PDCD10: variants seen among roughly 807,000 people sequenced by gnomAD.
PDCD10 encodes programmed cell death protein 10.
PDCD10 carries 4 observed loss-of-function variants against 29.2 expected under a neutral mutation model. The ratio of observed to expected loss-of-function variants is 0.14; its 90% CI spans 0.07 to 0.31. The LOEUF (loss-of-function observed/expected upper bound fraction) is 0.31. Among genes scored for constraint, PDCD10 ranks in the 10% least tolerant of loss-of-function variants. The pLI, the probability that PDCD10 is intolerant of heterozygous loss-of-function variation, is 1.00. For synonymous variants in PDCD10, 70 were observed against 82.2 expected (o/e 0.85, Z 0.80); for missense variants, 183 against 257.9 (o/e 0.71, Z 1.99).
chr3:167,703,362 T>C (rs1197987752), intron 4 of PDCD10, among the ~76,000 whole-genome samples: 3 of 152,106 alleles, frequency 2.0e-5, no homozygotes, highest in African/African-American at 7.2e-5. Flanking sequence ...TAAATATATA[T>C]GTACTCACCT....
In PDCD10 at chr3:167,733,765, A is replaced by G. The variant is rs552491771; in HGVS notation, c.-117+449T>C. ...TCCTAAGGTAGAAAAAGAAAAGAAT[A>G]TTCTTCTAAGGATGGGATATATTGT... On this transcript the variant is annotated intron_variant, in intron 2 of 8. Transcript: ENST00000392750. Among the ~76,000 whole-genome samples the G allele has an allele frequency of 3.2e-4, 48 of 152,148 alleles. 1 individual carries two copies. The highest frequency in any genetic ancestry group is 4.3e-4 in the Non-Finnish European group (29 of 68,012).
intron 4 of PDCD10, among the ~76,000 whole-genome samples, chr3:167,699,713 G>A (rs1273594572): frequency 6.6e-6 from 1 of 152,182 alleles, no homozygotes; most frequent in African/African-American, 2.4e-5. Context: ...CAGTCTGGAA[G>A]ACGGACAACC....
At chr3:167,723,674 T>A (rs1187581923) in intron 2 of PDCD10, among the ~76,000 whole-genome samples, 1 of 152,238 alleles carries the variant, frequency 6.6e-6, no homozygotes, top group Non-Finnish European at 1.5e-5. Context: ...ACGTTTCAAA[T>A]GTGCTGCTTT....
intron 2 of PDCD10, among the ~76,000 whole-genome samples, chr3:167,724,664 T>C (rs1425254389): frequency 7.2e-5 from 11 of 152,198 alleles, no homozygotes; most frequent in Non-Finnish European, 4.4e-5. Flanking sequence ...TCAAATAGCA[T>C]GCCTAGCAAA....
intron 3 of PDCD10, among the ~76,000 whole-genome samples, chr3:167,714,778 G>A (rs1017467490): frequency 1.3e-5 from 2 of 151,608 alleles, no homozygotes; most frequent in African/African-American, 2.4e-5. Flanking sequence ...AAACACTGAC[G>A]AAGGCAATTG....
chr3:167,713,478 A>G (rs905193945), intron 3 of PDCD10, among the ~76,000 whole-genome samples: 7 of 151,848 alleles, frequency 4.6e-5, no homozygotes, highest in African/African-American at 1.7e-4. Context: ...TCAAAAGAGA[A>G]CAAACAATTC....
intron 4 of PDCD10, among the ~76,000 whole-genome samples, chr3:167,702,678 T>C (rs1721567704): frequency 6.6e-6 from 1 of 152,208 alleles, no homozygotes; most frequent in Admixed American, 6.5e-5. Flanking sequence ...AAAACCATGA[T>C]GAAAATTATT....
chr3:167,728,867 C>T (rs1255176798), intron 2 of PDCD10, among the ~76,000 whole-genome samples: 1 of 152,198 alleles, frequency 6.6e-6, no homozygotes, highest in African/African-American at 2.4e-5. Context: ...AATACAGTGA[C>T]ATGTCACACT....
At chr3:167,686,039 TAATGATGTGACATGAATA>T (rs1289799774) in intron 8 of PDCD10, among the ~76,000 whole-genome samples, 1 of 152,192 alleles carries the variant, frequency 6.6e-6, no homozygotes, top group South Asian at 2.1e-4. Flanking sequence ...AATAATACTG[TAATGATGTGACATGAATA>T]TAGAGATCTT....
intron 3 of PDCD10, among the ~76,000 whole-genome samples, chr3:167,708,981 C>G (rs1722268423): frequency 6.6e-6 from 1 of 152,122 alleles, no homozygotes; most frequent in Non-Finnish European, 1.5e-5. Context: ...AATAAGGAAA[C>G]AGATAAGATT....
chr3:167,719,552 A>G (rs985147068), intron 3 of PDCD10, among the ~76,000 whole-genome samples: 4 of 152,120 alleles, frequency 2.6e-5, no homozygotes, highest in South Asian at 2.1e-4. Flanking sequence ...CAAAGCAATG[A>G]TATCTTCCAA....
rs143695673 is a variant in PDCD10 at position 167,726,181 on chromosome 3, C to T, written c.-116-5908G>A. Among the ~76,000 whole-genome samples the T allele has an allele frequency of 8.7e-4, 111 of 127,340 alleles. 2 individuals carry two copies. The East Asian group carries it at 0.024, about 28-fold the overall frequency. 83.5% of individuals were successfully genotyped at this position (127,340 alleles called of 152,430 possible). ...TGTCACCCAGGCTGGGGTGCAGTGG[C>T]GTACCTCCACCCAGGTTCAAGCGAT... On this transcript the variant is annotated intron_variant, in intron 2 of 8. Coordinates refer to ENST00000392750, the MANE Select transcript of PDCD10 (RefSeq NM_007217.4).
In PDCD10 at chr3:167,724,840, G is replaced by A. The variant is rs60988496; in HGVS notation, c.-116-4567C>T. On this transcript the variant is annotated intron_variant, in intron 2 of 8. Transcript: ENST00000392750. ...TTCTTTAAGACAAATTTTTCTTTAAGCATCAAATCATTAAAAATTATTTAC... is the reference window on the plus strand; with the variant it reads ...TTCTTTAAGACAAATTTTTCTTTAAACATCAAATCATTAAAAATTATTTAC... Among the ~76,000 whole-genome samples the A allele has an allele frequency of 8.0e-3, 1,211 of 152,248 alleles. 91 individuals are homozygous for A. In the East Asian group the frequency reaches 0.17, roughly 22 times the overall value.
chr3:167,701,619 T>A (rs1054857532), intron 4 of PDCD10, among the ~76,000 whole-genome samples: 3 of 152,146 alleles, frequency 2.0e-5, no homozygotes, highest in Non-Finnish European at 4.4e-5. Context: ...ACACCACACC[T>A]CTAAATCAGC....
chr3:167,716,683 C>T (rs1723052060), intron 3 of PDCD10, among the ~76,000 whole-genome samples: 1 of 151,918 alleles, frequency 6.6e-6, no homozygotes, highest in South Asian at 2.1e-4. Context: ...TCCATATCTG[C>T]TAATAATTCG....
intron 4 of PDCD10, 101 bp from the exon 5 acceptor site, chr3:167,697,227 A>T: frequency 4.2e-6 from 3 of 717,114 alleles, no homozygotes; most frequent in Non-Finnish European, 7.5e-6. Flanking sequence ...TCTTACACTG[A>T]TAACTTTTAA....
chr3:167,726,901 T>C (rs183585286), intron 2 of PDCD10, among the ~76,000 whole-genome samples: 47 of 152,230 alleles, frequency 3.1e-4, no homozygotes, highest in African/African-American at 1.1e-3. Context: ...AACACTGATA[T>C]CACAATGTCA....
At chr3:167,719,338 T>A (rs1723343220) in intron 3 of PDCD10, among the ~76,000 whole-genome samples, 1 of 152,134 alleles carries the variant, frequency 6.6e-6, no homozygotes, top group Admixed American at 6.6e-5. Context: ...TTATAGGTAA[T>A]TTTAGGAAAA....
chr3:167,732,439 T>C (rs1344618026), intron 2 of PDCD10, among the ~76,000 whole-genome samples: 1 of 152,186 alleles, frequency 6.6e-6, no homozygotes, highest in Non-Finnish European at 1.5e-5. Flanking sequence ...ATGCAGACAC[T>C]GGTGAGCTGC....
Sources: allele counts gnomAD v4.1 joint callset (sites outside exome capture counted in the v4.1 genomes callset), GRCh38; gene constraint gnomAD v4.1.1; transcripts MANE v1.5; gene names NCBI Gene and HGNC (gene_info 2026-07-23, HGNC 2026-07-21).